Variants in MDFIC2 observed in about 807,000 individuals in gnomAD.
The protein encoded by MDFIC2 is MyoD family inhibitor domain containing 2, also known as myoD family inhibitor domain-containing protein 2.
At chr3:70,217,610 G>A (rs1456756982) in intron 2 of MDFIC2, among the ~76,000 whole-genome samples, 3 of 152,072 alleles carry the variant, frequency 2.0e-5, no homozygotes, top group Non-Finnish European at 4.4e-5. Context: ...GTTTTTCACT[G>A]TAAGAGGTAG....
At chr3:70,280,795 T>C (rs1020986710) in intron 2 of MDFIC2, among the ~76,000 whole-genome samples, 1 of 152,146 alleles carries the variant, frequency 6.6e-6, no homozygotes, top group Admixed American at 6.6e-5. Flanking sequence ...ACCTAACTTG[T>C]TTGACTGTAG....
intron 2 of MDFIC2, among the ~76,000 whole-genome samples, chr3:70,310,828 G>A (rs1228679144): frequency 6.6e-6 from 1 of 151,888 alleles, no homozygotes; most frequent in Non-Finnish European, 1.5e-5. Flanking sequence ...TTTTTCTTTG[G>A]AACATGATGA....
chr3:70,233,477 C>G (rs1242132838), intron 2 of MDFIC2, among the ~76,000 whole-genome samples: 4 of 152,048 alleles, frequency 2.6e-5, no homozygotes. Flanking sequence ...TGTTTAAAAC[C>G]TTTTTATAGA....
rs1226764937 is a variant in MDFIC2 at position 70,312,057 on chromosome 3, G to A, written c.1-84C>T. On this transcript the variant is annotated intron_variant, in intron 1 of 3. Transcript: ENST00000567252. ...TCGAGTTTTATATTTAGAAACTACTGCCATATTATGGGAAAATTTTATCTC... is the reference window on the plus strand; with the variant it reads ...TCGAGTTTTATATTTAGAAACTACTACCATATTATGGGAAAATTTTATCTC... 2.0e-5 allele frequency: 8 copies of A among 394,460 alleles called. No homozygotes were observed. In the Admixed American group the frequency reaches 3.1e-4, roughly 15 times the overall value. 24.4% of individuals were successfully genotyped at this position (394,460 alleles called of 1,614,324 possible). A position where few individuals can be genotyped will look rare whatever the true frequency, so the allele number is the denominator to read the frequency against.
chr3:70,221,953 T>C (rs1490905190), intron 2 of MDFIC2, among the ~76,000 whole-genome samples: 2 of 152,194 alleles, frequency 1.3e-5, no homozygotes, highest in Non-Finnish European at 2.9e-5. Context: ...ATTAGTCACC[T>C]CATTCCCTTT....
intron 2 of MDFIC2, among the ~76,000 whole-genome samples, chr3:70,252,244 C>T (rs1355270870): frequency 6.6e-6 from 1 of 152,136 alleles, no homozygotes; most frequent in Non-Finnish European, 1.5e-5. Flanking sequence ...CAGTGGAATT[C>T]TTATCCAATG....
chr3:70,291,017 C>G (rs1031453077), intron 2 of MDFIC2, among the ~76,000 whole-genome samples: 5 of 152,224 alleles, frequency 3.3e-5, no homozygotes, highest in Non-Finnish European at 5.9e-5. Flanking sequence ...AATCACCGGT[C>G]TTCTGCTTCG....
chr3:70,202,012 C>T, intron 3 of MDFIC2, among the ~76,000 whole-genome samples: 1 of 152,118 alleles, frequency 6.6e-6, no homozygotes, highest in East Asian at 1.9e-4. Context: ...GAATGTATAT[C>T]CCTCTGTGGC....
At chr3:70,257,212 T>A (rs1215084579) in intron 2 of MDFIC2, among the ~76,000 whole-genome samples, 8 of 152,226 alleles carry the variant, frequency 5.3e-5, no homozygotes, top group Admixed American at 3.3e-4. Flanking sequence ...TTGGGACAGG[T>A]TTCTTTGGCA....
chr3:70,307,006 A>C (rs1702408217), intron 2 of MDFIC2, among the ~76,000 whole-genome samples: 1 of 152,112 alleles, frequency 6.6e-6, no homozygotes, highest in Admixed American at 6.6e-5. Flanking sequence ...GAGAGAGACA[A>C]ATAGAGAGAT....
intron 2 of MDFIC2, among the ~76,000 whole-genome samples, chr3:70,290,014 C>T (rs1276102460): frequency 1.3e-4 from 19 of 151,638 alleles, no homozygotes; most frequent in Non-Finnish European, 2.4e-4. Flanking sequence ...AATGTCCTCC[C>T]GTAGCTCAGA....
chr3:70,308,106 C>G (rs548259347), intron 2 of MDFIC2, among the ~76,000 whole-genome samples: 1 of 152,284 alleles, frequency 6.6e-6, no homozygotes, highest in African/African-American at 2.4e-5. Flanking sequence ...GGCTGTAGTA[C>G]AGTGGTGTGA....
chr3:70,282,226 G>A lies in MDFIC2; in HGVS notation c.88+29660C>T, dbSNP rs962144428. On this transcript the variant is annotated intron_variant, in intron 2 of 3. Transcript: ENST00000567252. The stretch of plus-strand genomic sequence containing the variant: ...TCCTGGCAGTATTTGCTGTCTCAGG[G>A]ATTGGCTTTCTGTGCAGTGAGCAAT... Among the ~76,000 whole-genome samples the A allele has an allele frequency of 5.7e-4, 87 of 152,218 alleles. 1 individual carries two copies. The highest frequency in any genetic ancestry group is 2.0e-3 in the African/African-American group (85 of 41,540).
intron 2 of MDFIC2, among the ~76,000 whole-genome samples, chr3:70,224,358 C>T (rs1701485084): frequency 6.6e-6 from 1 of 152,152 alleles, no homozygotes; most frequent in South Asian, 2.1e-4. Flanking sequence ...ATGGTGCAAA[C>T]TTCCATGGCT....
intron 2 of MDFIC2, among the ~76,000 whole-genome samples, chr3:70,243,696 C>T (rs1159187888): frequency 6.6e-6 from 1 of 152,118 alleles, no homozygotes; most frequent in East Asian, 1.9e-4. Context: ...GTATTCCTAA[C>T]GTCCCCTGGG....
At chr3:70,200,895 C>G (rs1285481657) in intron 3 of MDFIC2, among the ~76,000 whole-genome samples, 2 of 150,314 alleles carry the variant, frequency 1.3e-5, no homozygotes, top group Admixed American at 1.3e-4. Flanking sequence ...AGCCTGTGGT[C>G]TCTATCCCAC....
intron 2 of MDFIC2, among the ~76,000 whole-genome samples, chr3:70,240,655 T>C (rs988480256): frequency 3.9e-5 from 6 of 152,168 alleles, no homozygotes; most frequent in Non-Finnish European, 7.3e-5. Flanking sequence ...TTAATTTGTT[T>C]ATCTTTCTAT....
At chr3:70,308,620 G>A (rs568322234) in intron 2 of MDFIC2, among the ~76,000 whole-genome samples, 1 of 152,276 alleles carries the variant, frequency 6.6e-6, no homozygotes, top group Non-Finnish European at 1.5e-5. Flanking sequence ...AAAGCAAGAC[G>A]ATTGAATGAG....
Position 70,231,834 on chromosome 3 carries a change from C to A in MDFIC2, c.89-25044G>T, listed in dbSNP as rs183409650. Among the ~76,000 whole-genome samples, 8 of 152,230 alleles carry A rather than the reference C, an allele frequency of 5.3e-5. No individual in the cohort carries two copies. The East Asian group carries it at 7.7e-4, about 15-fold the overall frequency. ...GGACCAGGAGTCACAAAAATAAATT[C>A]TCATCTGGAAGCTACTAAACAGGCC... On this transcript the variant is annotated intron_variant, in intron 2 of 3. Coordinates refer to ENST00000567252, the MANE Select transcript of MDFIC2 (RefSeq NM_001364677.1).
Sources: gnomAD v4.1 joint callset for allele counts (sites outside exome capture counted in the v4.1 genomes callset) on GRCh38, gnomAD v4.1.1 for gene constraint, MANE v1.5 for transcripts, NCBI Gene and HGNC (gene_info 2026-07-23, HGNC 2026-07-21) for gene names.